NEK10: variants seen among roughly 807,000 people sequenced by gnomAD.
NEK10 encodes serine/threonine-protein kinase Nek10.
Under a neutral mutation model 159.8 loss-of-function variants are expected in NEK10, and 122 were observed. That is an observed-to-expected ratio of 0.76 (90% confidence interval 0.66 to 0.89). NEK10 has a LOEUF of 0.89. Among genes scored for constraint, NEK10 ranks in the 40% least tolerant of loss-of-function variants. NEK10 has a pLI of 0.00. For missense variants in NEK10, 1,342 were observed against 1,323.1 expected, an observed-to-expected ratio of 1.01 and a Z score of -0.22; for synonymous variants, 466 against 457.1, an observed-to-expected ratio of 1.02 and a Z score of -0.25.
chr3:27,203,210 A>T (rs146838744), intron 23 of NEK10, among the ~76,000 whole-genome samples: 59 of 152,226 alleles, frequency 3.9e-4, no homozygotes, highest in African/African-American at 1.3e-3. Flanking sequence ...AGGCTCACAT[A>T]CCTGTGACTC....
chr3:27,308,831 TAAGTAGTTGACA>T (rs932015957), intron 10 of NEK10, 83 bp downstream of exon 10: 153 of 522,436 alleles, frequency 2.9e-4, no homozygotes, highest in African/African-American at 2.4e-3. Context: ...GAAATTGTAT[TAAGTAGTTGACA>T]AAGTAACTGA....
intron 6 of NEK10, among the ~76,000 whole-genome samples, chr3:27,321,177 AGTGTT>A (rs952589089): frequency 1.3e-5 from 2 of 151,428 alleles, no homozygotes; most frequent in African/African-American, 4.9e-5. Context: ...AAAAAAAAAA[AGTGTT>A]AAGTAAGCTT....
chr3:27,337,028 G>C (rs968272724), intron 5 of NEK10, among the ~76,000 whole-genome samples: 9 of 140,208 alleles, frequency 6.4e-5, no homozygotes, highest in East Asian at 2.0e-4. Context: ...ATACACATTT[G>C]GCGGGGGGGA....
intron 26 of NEK10, among the ~76,000 whole-genome samples, chr3:27,181,061 CCTT>C (rs1259520081): frequency 2.6e-5 from 4 of 152,090 alleles, no homozygotes; most frequent in African/African-American, 9.7e-5. Context: ...TCATGCTACT[CCTT>C]CTGCTACCAA....
At chr3:27,216,064 C>T (rs537163518) in intron 23 of NEK10, among the ~76,000 whole-genome samples, 2 of 152,196 alleles carry the variant, frequency 1.3e-5, no homozygotes, top group South Asian at 4.1e-4. Context: ...CTTGATTGTA[C>T]CAACACTAAA....
intron 5 of NEK10, among the ~76,000 whole-genome samples, chr3:27,341,548 T>A (rs566623156): frequency 9.1e-4 from 138 of 152,326 alleles, no homozygotes; most frequent in African/African-American, 3.2e-3. Context: ...ATTGTGTAAC[T>A]AGCAGTAACC....
intron 32 of NEK10, among the ~76,000 whole-genome samples, chr3:27,122,720 A>C (rs1941480824): frequency 6.6e-6 from 1 of 152,196 alleles, no homozygotes; most frequent in African/African-American, 2.4e-5. Flanking sequence ...TAATTTAATT[A>C]TTAAGTTTAT....
At chr3:27,354,996 G>A (rs530709806) in intron 1 of NEK10, among the ~76,000 whole-genome samples, 47 of 152,278 alleles carry the variant, frequency 3.1e-4, no homozygotes, top group African/African-American at 1.0e-3. Context: ...AAGCCAATAC[G>A]AGGACACACA....
At position 27,165,210 on chromosome 3, in the gene NEK10, T is replaced by C. The variant is rs142465469; in HGVS notation, c.2832-2472A>G. Among the ~76,000 whole-genome samples the C allele has an allele frequency of 8.2e-4, 125 of 152,174 alleles. 1 individual carries two copies. The highest frequency in any genetic ancestry group is 3.0e-3 in the African/African-American group (124 of 41,506). On this transcript the variant is annotated intron_variant, in intron 29 of 35. Transcript: ENST00000691995. The stretch of plus-strand genomic sequence containing the variant: ...AAGATTGCATAGAGATAGCAGAAAA[T>C]AAAATGTCAATTTCTCTGGAAATTA...
chr3:27,338,715 T>C (rs538807588), intron 5 of NEK10, among the ~76,000 whole-genome samples: 1 of 152,238 alleles, frequency 6.6e-6, no homozygotes, highest in Non-Finnish European at 1.5e-5. Flanking sequence ...GTTGGCTGCA[T>C]AAATGTCTTC....
intron 23 of NEK10, among the ~76,000 whole-genome samples, chr3:27,208,276 G>A (rs1482309681): frequency 6.6e-6 from 1 of 152,186 alleles, no homozygotes; most frequent in East Asian, 1.9e-4. Context: ...CAGATATATG[G>A]TGAGATAAGC....
rs572880701 is a variant in NEK10, at chr3:27,131,774, T to G, written c.3081+106A>C. ...AGTATGTAAAGCAGCAATAAGAAACTTTAATAGAGGATAGAGCTTAAAGTA... is the reference window on the plus strand; with the variant it reads ...AGTATGTAAAGCAGCAATAAGAAACGTTAATAGAGGATAGAGCTTAAAGTA... On this transcript the variant is annotated intron_variant, in intron 32 of 35. Transcript: ENST00000691995. 2.2e-5 allele frequency: 11 copies of G among 499,532 alleles called. No homozygotes were observed. In the East Asian group the frequency reaches 2.9e-4, roughly 13 times the overall value. The allele number at this position is 499,532 out of a possible 1,614,324, so 30.9% of individuals were successfully genotyped here.
intron 22 of NEK10, among the ~76,000 whole-genome samples, chr3:27,271,169 ATCT>A: frequency 6.6e-6 from 1 of 151,384 alleles, no homozygotes; most frequent in East Asian, 1.9e-4. Context: ...CTATCTATCT[ATCT>A]ATCTATCTAT....
intron 23 of NEK10, chr3:27,252,296 C>T (rs985686743): frequency 6.5e-6 from 3 of 461,710 alleles, no homozygotes; most frequent in African/African-American, 4.0e-5. Flanking sequence ...ATCCTCTCTA[C>T]ATAAGTGGCA....
chr3:27,250,416 G>A (rs1386147305), intron 23 of NEK10, among the ~76,000 whole-genome samples: 6 of 152,098 alleles, frequency 3.9e-5, no homozygotes, highest in Non-Finnish European at 8.8e-5. Flanking sequence ...TCGATCTCCT[G>A]ACCTCGTGAT....
At position 27,228,208 on chromosome 3, in the gene NEK10, A is replaced by G. The variant is rs576330264; in HGVS notation, c.2091-25651T>C. Among the ~76,000 whole-genome samples, 20 of 152,278 alleles carry G rather than the reference A, an allele frequency of 1.3e-4. No homozygotes were observed. In the East Asian group the frequency reaches 3.9e-3, roughly 29 times the overall value. ...ACCAAGTTTAAATTTTCACTTCCCAATTTACTAGCTATGTGATTTGGTTAT... is the reference window on the plus strand; with the variant it reads ...ACCAAGTTTAAATTTTCACTTCCCAGTTTACTAGCTATGTGATTTGGTTAT... On this transcript the variant is annotated intron_variant, in intron 23 of 35. Transcript: ENST00000691995.
At chr3:27,230,657 A>C (rs1953140751) in intron 23 of NEK10, among the ~76,000 whole-genome samples, 1 of 152,058 alleles carries the variant, frequency 6.6e-6, no homozygotes, top group Admixed American at 6.6e-5. Context: ...AATAAACTTA[A>C]AGGACAGGGG....
intron 23 of NEK10, among the ~76,000 whole-genome samples, chr3:27,220,961 T>C (rs929211973): frequency 3.9e-5 from 6 of 152,154 alleles, no homozygotes; most frequent in South Asian, 2.1e-4. Flanking sequence ...GACAACTGGA[T>C]ACACACATGC....
intron 29 of NEK10, among the ~76,000 whole-genome samples, chr3:27,164,174 G>C (rs967683668): frequency 1.3e-5 from 2 of 152,098 alleles, no homozygotes; most frequent in Admixed American, 1.3e-4. Context: ...CTGAGATAAG[G>C]AGCATGTTTA....
Sources: allele counts gnomAD v4.1 joint callset (sites outside exome capture counted in the v4.1 genomes callset), GRCh38; gene constraint gnomAD v4.1.1; transcripts MANE v1.5; gene names NCBI Gene and HGNC (gene_info 2026-07-23, HGNC 2026-07-21).